PDE1A: variants seen among roughly 807,000 people sequenced by gnomAD.
PDE1A encodes the protein phosphodiesterase 1A, also known as dual specificity calcium/calmodulin-dependent 3',5'-cyclic nucleotide phosphodiesterase 1A.
In PDE1A, 35 loss-of-function variants were observed where a neutral mutation model predicts 61.7. That is an observed-to-expected ratio of 0.57 (90% confidence interval 0.43 to 0.75). The LOEUF (loss-of-function observed/expected upper bound fraction) is 0.75, where lower values mean the gene tolerates loss of function less well. PDE1A is among the 30% of genes least tolerant of loss of function. PDE1A has a pLI of 0.00. For missense variants in PDE1A, 597 were observed against 630.6 expected (o/e 0.95, Z 0.57); for synonymous variants, 232 against 213.2 (o/e 1.09, Z -0.77).
intron 1 of PDE1A, among the ~76,000 whole-genome samples, chr2:182,278,903 A>G (rs925734063): frequency 2.6e-5 from 4 of 152,068 alleles, no homozygotes; most frequent in African/African-American, 9.6e-5. Flanking sequence ...AGATTTGTAT[A>G]GGGTATTAGG....
chr2:182,186,311 A>G (rs888057885), intron 12 of PDE1A, among the ~76,000 whole-genome samples, 157 bp downstream of exon 12: 2 of 152,162 alleles, frequency 1.3e-5, no homozygotes, highest in East Asian at 3.9e-4. Flanking sequence ...TCAGTTGTCA[A>G]AGGCAGATGC....
the PDE1A span, among the ~76,000 whole-genome samples, chr2:182,530,740 G>A: frequency 4.7e-3 from 714 of 152,144 alleles, 4 homozygotes; most frequent in African/African-American, 0.016. Context: ...CTAAAAGAAT[G>A]TGTCACCAAA....
chr2:182,624,335 G>A, the PDE1A span, among the ~76,000 whole-genome samples: 4 of 152,056 alleles, frequency 2.6e-5, no homozygotes, highest in Non-Finnish European at 4.4e-5. Context: ...TTATTGAAAA[G>A]GTCTGTACTC....
At chr2:182,652,534 T>C in the PDE1A span, among the ~76,000 whole-genome samples, 20,141 of 152,036 alleles carry the variant, frequency 0.13, 1,854 homozygotes, top group African/African-American at 0.26. Flanking sequence ...AAAACATGCA[T>C]GGAACTATCC....
At chr2:182,367,654 A>T (rs1309992243) in intron 1 of PDE1A, among the ~76,000 whole-genome samples, 1 of 152,094 alleles carries the variant, frequency 6.6e-6, no homozygotes, top group Non-Finnish European at 1.5e-5. Flanking sequence ...ATTTGATGGG[A>T]CAAGTAGGGT....
chr2:182,231,651 C>T (rs758914017), intron 4 of PDE1A, among the ~76,000 whole-genome samples: 19 of 152,112 alleles, frequency 1.2e-4, no homozygotes, highest in Non-Finnish European at 2.4e-4. Flanking sequence ...TGTGGTGGCT[C>T]ATGCCTGTAA....
At chr2:182,364,478 A>AAAAAAAAAAAC (rs1420818177) in intron 1 of PDE1A, among the ~76,000 whole-genome samples, 1 of 139,470 alleles carries the variant, frequency 7.2e-6, no homozygotes, top group East Asian at 2.0e-4. Context: ...AAAAAAAAAA[A>AAAAAAAAAAAC]AAAAAAAAAA....
At chr2:182,222,099 C>T (rs1458820980) in intron 7 of PDE1A, among the ~76,000 whole-genome samples, 1 of 151,866 alleles carries the variant, frequency 6.6e-6, no homozygotes, top group Non-Finnish European at 1.5e-5. Flanking sequence ...CACATGTATG[C>T]TTATATCAGT....
intron 1 of PDE1A, among the ~76,000 whole-genome samples, chr2:182,265,280 AAAATT>A (rs1322163845): frequency 6.6e-6 from 1 of 152,100 alleles, no homozygotes; most frequent in Non-Finnish European, 1.5e-5. Flanking sequence ...ATTAAGAAAT[AAAATT>A]AAAAGAAGAC....
At chr2:182,392,262 G>A (rs889093558) in intron 1 of PDE1A, among the ~76,000 whole-genome samples, 3 of 152,152 alleles carry the variant, frequency 2.0e-5, no homozygotes, top group Non-Finnish European at 4.4e-5. Flanking sequence ...CTCTTACATG[G>A]TGCCAGGCAA....
At chr2:182,271,507 C>CA (rs1574213450) in intron 1 of PDE1A, among the ~76,000 whole-genome samples, 1 of 152,032 alleles carries the variant, frequency 6.6e-6, no homozygotes, top group Non-Finnish European at 1.5e-5. Flanking sequence ...ACTTTTTCTA[C>CA]AAAAATGGAC....
downstream of PDE1A, among the ~76,000 whole-genome samples, chr2:182,143,939 T>G (rs1574484645): frequency 6.6e-6 from 1 of 152,274 alleles, no homozygotes; most frequent in South Asian, 2.1e-4. Context: ...CAGTAAAAAC[T>G]CTGGTTCTCT....
rs201853766 is a variant in PDE1A at position 182,168,312 on chromosome 2, T to C, written c.1517-22A>G. ...GCTTCTGAAAAAAAAAAAAGCGTAC[T>C]TATTTTAATAATTTAGAGAAAATGC... On this transcript the variant is annotated intron_variant, in intron 13 of 13. Transcript: ENST00000351439. The C allele has an allele frequency of 9.9e-5, 153 of 1,552,894 alleles. No homozygotes were observed. In the East Asian group the frequency reaches 3.4e-3, roughly 35 times the overall value.
intron 1 of PDE1A, among the ~76,000 whole-genome samples, chr2:182,369,446 G>A (rs1700012009): frequency 6.6e-6 from 1 of 152,122 alleles, no homozygotes. Flanking sequence ...AAAAATATAA[G>A]TAAAGTGGTC....
chr2:182,522,243 T>TG (rs1559539729), intron 2 of PDE1A: 1 of 1,561,162 alleles, frequency 6.4e-7, no homozygotes, highest in Admixed American at 1.7e-5. Flanking sequence ...TCAAATCTTT[T>TG]GGGGGGAAAT....
the PDE1A span, among the ~76,000 whole-genome samples, chr2:182,630,387 C>A: frequency 2.0e-5 from 3 of 152,132 alleles, no homozygotes; most frequent in East Asian, 5.8e-4. Flanking sequence ...AGTTAAAATA[C>A]CACCTTGGCT....
intron 1 of PDE1A, among the ~76,000 whole-genome samples, chr2:182,273,446 TA>T (rs955448520): frequency 2.6e-4 from 39 of 149,858 alleles, no homozygotes; most frequent in South Asian, 1.9e-3. Flanking sequence ...AAGCCAAGGA[TA>T]AAAAAAAATA....
intron 2 of PDE1A, among the ~76,000 whole-genome samples, chr2:182,433,169 C>T (rs1704040968): frequency 6.6e-6 from 1 of 152,054 alleles, no homozygotes. Flanking sequence ...GAGACTCCAT[C>T]CCACACAGGC....
chr2:182,255,454 C>T (rs1691704718), intron 2 of PDE1A, among the ~76,000 whole-genome samples: 1 of 152,096 alleles, frequency 6.6e-6, no homozygotes, highest in African/African-American at 2.4e-5. Flanking sequence ...CACATCATTC[C>T]CCAAGTTTAG....
Sources: gnomAD v4.1 joint callset for allele counts (sites outside exome capture counted in the v4.1 genomes callset) on GRCh38, gnomAD v4.1.1 for gene constraint, MANE v1.5 for transcripts, NCBI Gene and HGNC (gene_info 2026-07-23, HGNC 2026-07-21) for gene names.